Variants in SEC14L1 observed in about 807,000 individuals in gnomAD.
SEC14L1 encodes the protein SEC14 like lipid binding 1, also known as SEC14-like protein 1.
In SEC14L1, 48 loss-of-function variants were observed where a neutral mutation model predicts 85.3. The ratio of observed to expected loss-of-function variants is 0.56; its 90% confidence interval spans 0.45 to 0.72. The LOEUF (loss-of-function observed/expected upper bound fraction) is 0.72, where lower values mean the gene tolerates loss of function less well. Ranked by LOEUF, SEC14L1 falls within the 30% of genes least tolerant of loss-of-function variation. SEC14L1 has a pLI of 0.00. For missense variants in SEC14L1, 682 were observed against 921.4 expected (o/e 0.74, Z 3.36); for synonymous variants, 391 against 355.5 (o/e 1.10, Z -1.12).
chr17:77,196,317 T>G lies in SEC14L1; in HGVS notation c.819+6T>G. The G allele has an allele frequency of 1.3e-6, 2 of 1,560,768 alleles. No individual in the cohort carries two copies. Among genetic ancestry groups the G allele is most frequent in the Non-Finnish European group, 1.8e-6 (2 of 1,132,096 alleles). On this transcript the variant is annotated splice_donor_region_variant and intron_variant, in intron 8 of 16. Coordinates refer to ENST00000436233, the MANE Select transcript of SEC14L1 (RefSeq NM_001143998.2). ...AGGAGACCCACAAGGGCAAAGTGAG[T>G]GTCAGCACCACACCCAGTGTGCAGG...
intron 3 of SEC14L1, among the ~76,000 whole-genome samples, chr17:77,165,208 A>G (rs117274839): frequency 0.015 from 2,244 of 152,266 alleles, 52 homozygotes; most frequent in Admixed American, 0.041. Context: ...AAATCCATAT[A>G]TTTCCTCTTC....
At chr17:77,099,036 G>C (rs1373335811) in intron 3 of SEC14L1, 1 of 151,976 alleles carries the variant, frequency 6.6e-6, no homozygotes, top group African/African-American at 2.4e-5. Context: ...TGCAGCTACA[G>C]CCAAAACCAA....
At chr17:77,137,198 C>T (rs1170325428), upstream of SEC14L1, among the ~76,000 whole-genome samples, 1 of 152,126 alleles carries the variant, frequency 6.6e-6, no homozygotes, top group Non-Finnish European at 1.5e-5. Flanking sequence ...CGTGAGCCAC[C>T]ACGCTCAGCC....
chr17:77,143,450 T>A (rs916086620), intron 2 of SEC14L1, 117 bp from the exon 3 acceptor site: 3 of 596,268 alleles, frequency 5.0e-6, no homozygotes, highest in Non-Finnish European at 9.0e-6. Flanking sequence ...TGCATAGAAT[T>A]ATGACCTATT....
chr17:77,120,539 C>T (rs1030680083), intron 3 of SEC14L1, among the ~76,000 whole-genome samples: 16 of 151,870 alleles, frequency 1.1e-4, no homozygotes, highest in Non-Finnish European at 1.8e-4. Flanking sequence ...TGCGGTGGCA[C>T]GATCTCGGCT....
intron 2 of SEC14L1, among the ~76,000 whole-genome samples, chr17:77,090,822 A>C (rs766409830): frequency 6.6e-6 from 1 of 152,102 alleles, no homozygotes; most frequent in Non-Finnish European, 1.5e-5. Flanking sequence ...CCTTGTCTCT[A>C]TGCAAAATCA....
At chr17:77,191,385 T>G (rs1184537141) in intron 5 of SEC14L1, 73 bp downstream of exon 5, 1 of 1,530,010 alleles carries the variant, frequency 6.5e-7, no homozygotes, top group Non-Finnish European at 9.0e-7. Flanking sequence ...ATCACCATTT[T>G]AAACAGTGCA....
intron 3 of SEC14L1, among the ~76,000 whole-genome samples, chr17:77,160,659 A>G (rs1444234435): frequency 6.6e-6 from 1 of 152,338 alleles, no homozygotes; most frequent in East Asian, 1.9e-4. Flanking sequence ...AAAGATGTGT[A>G]TACCTCCATT....
At chr17:77,121,628 A>G (rs939043238) in intron 3 of SEC14L1, among the ~76,000 whole-genome samples, 1 of 152,196 alleles carries the variant, frequency 6.6e-6, no homozygotes, top group Non-Finnish European at 1.5e-5. Context: ...AAGTGCTGGG[A>G]TTACAGGCGT....
upstream of SEC14L1, among the ~76,000 whole-genome samples, chr17:77,137,312 G>A (rs991543587): frequency 6.6e-6 from 1 of 152,130 alleles, no homozygotes; most frequent in Non-Finnish European, 1.5e-5. Context: ...CTTAGCTTCT[G>A]GTGAAGCCTC....
chr17:77,189,179 G>A (rs1975405624), intron 3 of SEC14L1, among the ~76,000 whole-genome samples: 1 of 152,180 alleles, frequency 6.6e-6, no homozygotes, highest in Admixed American at 6.6e-5. Context: ...AATAGAATGA[G>A]TGTTCTCATG....
chr17:77,100,382 G>C (rs886322216), intron 3 of SEC14L1, among the ~76,000 whole-genome samples: 2 of 142,366 alleles, frequency 1.4e-5, no homozygotes, highest in Non-Finnish European at 3.1e-5. Flanking sequence ...CCCTTCCTTG[G>C]CTGGCTTTTT....
At chr17:77,162,838 A>AAG (rs1337303322) in intron 3 of SEC14L1, among the ~76,000 whole-genome samples, 1 of 151,928 alleles carries the variant, frequency 6.6e-6, no homozygotes, top group Non-Finnish European at 1.5e-5. Flanking sequence ...CTCAAAAAAA[A>AAG]AAAATGTGTT....
At chr17:77,148,503 C>A (rs1973413604) in intron 3 of SEC14L1, among the ~76,000 whole-genome samples, 3 of 152,178 alleles carry the variant, frequency 2.0e-5, no homozygotes, top group African/African-American at 7.2e-5. Context: ...TCACCTCATT[C>A]TTTGCTCTCT....
chr17:77,100,464 T>G (rs1364845656), intron 3 of SEC14L1, among the ~76,000 whole-genome samples: 1 of 121,704 alleles, frequency 8.2e-6, no homozygotes. Context: ...TGAGACAGAG[T>G]CTCACTCTGT....
At chr17:77,164,277 C>T (rs1020669094) in intron 3 of SEC14L1, among the ~76,000 whole-genome samples, 2 of 152,220 alleles carry the variant, frequency 1.3e-5, no homozygotes, top group African/African-American at 4.8e-5. Context: ...TTTCATAATT[C>T]CCAACAGGGC....
intron 3 of SEC14L1, among the ~76,000 whole-genome samples, chr17:77,105,378 C>CA (rs1481709838): frequency 6.7e-5 from 7 of 104,072 alleles, no homozygotes; most frequent in Non-Finnish European, 1.3e-4. Flanking sequence ...TGACCACCCC[C>CA]CCCCCCACCC....
chr17:77,101,240 A>G (rs975877775), intron 3 of SEC14L1, among the ~76,000 whole-genome samples: 1 of 151,834 alleles, frequency 6.6e-6, no homozygotes, highest in Non-Finnish European at 1.5e-5. Flanking sequence ...GCTGGAGTGC[A>G]ATGGCACAAT....
chr17:77,201,144 G>C (rs755741467), intron 9 of SEC14L1, among the ~76,000 whole-genome samples: 2 of 152,206 alleles, frequency 1.3e-5, no homozygotes, highest in Non-Finnish European at 2.9e-5. Flanking sequence ...CTGGATGAAG[G>C]GGGGCGATGC....
Sources: gnomAD v4.1 joint callset for allele counts (sites outside exome capture counted in the v4.1 genomes callset) on GRCh38, gnomAD v4.1.1 for gene constraint, MANE v1.5 for transcripts, NCBI Gene and HGNC (gene_info 2026-07-23, HGNC 2026-07-21) for gene names.